DCC: variants seen among roughly 807,000 people sequenced by gnomAD.
DCC encodes netrin receptor DCC.
A neutral mutation model predicts 172.5 loss-of-function variants in DCC; 58 were observed. The ratio of observed to expected loss-of-function variants is 0.34; its 90% CI spans 0.27 to 0.42. The LOEUF (loss-of-function observed/expected upper bound fraction) is 0.42. Ranked by LOEUF, DCC falls within the 10% of genes least tolerant of loss-of-function variation. The pLI is 1.00. For missense variants in DCC, 1,740 were observed against 1,791.0 expected, an observed-to-expected ratio of 0.97 and a Z score of 0.51; for synonymous variants, 709 against 644.5, an observed-to-expected ratio of 1.10 and a Z score of -1.52.
At chr18:53,421,144 T>A (rs1312666722) in intron 21 of DCC, among the ~76,000 whole-genome samples, 2 of 152,202 alleles carry the variant, frequency 1.3e-5, no homozygotes, top group Non-Finnish European at 2.9e-5. Flanking sequence ...TAGATCAAAC[T>A]TTTAAGGTAT....
chr18:52,710,062 G>A (rs2036270139), intron 1 of DCC, among the ~76,000 whole-genome samples: 1 of 152,166 alleles, frequency 6.6e-6, no homozygotes, highest in South Asian at 2.1e-4. Flanking sequence ...TCTTAAAAGT[G>A]TTTGCTATCC....
chr18:53,042,739 C>T, intron 5 of DCC, among the ~76,000 whole-genome samples: 1 of 151,888 alleles, frequency 6.6e-6, no homozygotes, highest in Middle Eastern at 3.2e-3. Context: ...TACAGAAATG[C>T]AAATCAAAAC....
At chr18:52,544,400 A>C (rs2032553095) in intron 1 of DCC, among the ~76,000 whole-genome samples, 2 of 151,042 alleles carry the variant, frequency 1.3e-5, no homozygotes, top group South Asian at 4.2e-4. Flanking sequence ...TGTCATCCCC[A>C]TTGGCATTTC....
At chr18:52,816,189 G>T (rs1326316033) in intron 2 of DCC, among the ~76,000 whole-genome samples, 1 of 152,192 alleles carries the variant, frequency 6.6e-6, no homozygotes, top group Non-Finnish European at 1.5e-5. Flanking sequence ...TGAAGGAAAT[G>T]AGTAGTAGTG....
intron 12 of DCC, among the ~76,000 whole-genome samples, chr18:53,223,296 A>G (rs1182378360): frequency 6.6e-6 from 1 of 152,188 alleles, no homozygotes; most frequent in African/African-American, 2.4e-5. Context: ...GCCATTGAGT[A>G]TACTTGCACA....
chr18:52,927,478 A>C (rs1014934752), intron 5 of DCC, among the ~76,000 whole-genome samples: 1 of 151,956 alleles, frequency 6.6e-6, no homozygotes, highest in Non-Finnish European at 1.5e-5. Flanking sequence ...GTTTTATTCC[A>C]TAAACTTCTC....
chr18:52,639,030 T>C (rs986491093), intron 1 of DCC, among the ~76,000 whole-genome samples: 26 of 152,134 alleles, frequency 1.7e-4, no homozygotes, highest in Admixed American at 6.5e-5. Context: ...TGCATATACA[T>C]GGAAATTAAA....
At chr18:52,883,650 T>C (rs1199712981) in intron 2 of DCC, among the ~76,000 whole-genome samples, 1 of 152,020 alleles carries the variant, frequency 6.6e-6, no homozygotes, top group Non-Finnish European at 1.5e-5. Flanking sequence ...TGTGACTTAT[T>C]GTACTTATTG....
intron 1 of DCC, among the ~76,000 whole-genome samples, chr18:52,460,244 G>C (rs1487405121): frequency 6.6e-6 from 1 of 151,882 alleles, no homozygotes; most frequent in African/African-American, 2.4e-5. Flanking sequence ...ATCATCTGTA[G>C]TCAGGCTTTG....
At chr18:53,425,850 T>C (rs1301131614) in intron 21 of DCC, among the ~76,000 whole-genome samples, 2 of 152,132 alleles carry the variant, frequency 1.3e-5, no homozygotes, top group African/African-American at 4.8e-5. Flanking sequence ...GCCATATTTA[T>C]TGGAACAGTT....
At chr18:53,124,802 C>T (rs2043531300) in intron 7 of DCC, among the ~76,000 whole-genome samples, 1 of 151,952 alleles carries the variant, frequency 6.6e-6, no homozygotes, top group Non-Finnish European at 1.5e-5. Context: ...CCCATCTCTA[C>T]AAAAAATACA....
chr18:52,643,745 C>A (rs764635794), intron 1 of DCC, among the ~76,000 whole-genome samples: 3 of 152,156 alleles, frequency 2.0e-5, no homozygotes, highest in Non-Finnish European at 4.4e-5. Flanking sequence ...TCTCTCCCAT[C>A]AAGAGGGAGG....
At chr18:53,374,187 A>C (rs1278795204) in intron 15 of DCC, among the ~76,000 whole-genome samples, 1 of 152,158 alleles carries the variant, frequency 6.6e-6, no homozygotes, top group Non-Finnish European at 1.5e-5. Flanking sequence ...ATAGATCCAC[A>C]TTTCTTCTAC....
chr18:52,784,373 T>A (rs954340738), intron 2 of DCC, among the ~76,000 whole-genome samples: 2 of 152,134 alleles, frequency 1.3e-5, no homozygotes, highest in Non-Finnish European at 2.9e-5. Flanking sequence ...GCAATAAACA[T>A]AGGGGGTGAA....
rs7243145 is a variant in DCC at position 53,365,074 on chromosome 18, C to T, written c.2360-20969C>T. On this transcript the variant is annotated intron_variant, in intron 15 of 28. Coordinates refer to ENST00000442544, the MANE Select transcript of DCC (RefSeq NM_005215.4). ...ATATCTCCTAATACTATCCCTCCCC[C>T]CTCCTCCCACCCCACAACAGGCCCT... Among the ~76,000 whole-genome samples the T allele has an allele frequency of 5.6e-4, 85 of 152,010 alleles. 1 individual carries two copies. The South Asian group carries it at 0.017, about 30-fold the overall frequency.
At chr18:53,086,927 G>A (rs2144161497) in intron 7 of DCC, among the ~76,000 whole-genome samples, 1 of 151,722 alleles carries the variant, frequency 6.6e-6, no homozygotes, top group South Asian at 2.1e-4. Flanking sequence ...CAAAGGACAT[G>A]AACTCATCAT....
intron 1 of DCC, among the ~76,000 whole-genome samples, chr18:52,566,053 T>C (rs2033152818): frequency 6.6e-6 from 1 of 152,162 alleles, no homozygotes; most frequent in Non-Finnish European, 1.5e-5. Context: ...GTTTTCTGCA[T>C]ATGGCTAGCC....
At chr18:52,824,157 T>G (rs2038462342) in intron 2 of DCC, among the ~76,000 whole-genome samples, 1 of 152,202 alleles carries the variant, frequency 6.6e-6, no homozygotes, top group Admixed American at 6.5e-5. Flanking sequence ...GAAAAGTGGG[T>G]CACTTGATGA....
chr18:52,733,812 C>A (rs748427801), intron 1 of DCC, among the ~76,000 whole-genome samples: 1 of 152,054 alleles, frequency 6.6e-6, no homozygotes, highest in Non-Finnish European at 1.5e-5. Context: ...GGCATTTTAT[C>A]CACACCGAAA....
Sources: gnomAD v4.1 joint callset for allele counts (sites outside exome capture counted in the v4.1 genomes callset) on GRCh38, gnomAD v4.1.1 for gene constraint, MANE v1.5 for transcripts, NCBI Gene and HGNC (gene_info 2026-07-23, HGNC 2026-07-21) for gene names.